Variants in C9orf85 observed in about 807,000 individuals in gnomAD.
C9orf85 encodes the protein uncharacterized protein C9orf85.
A neutral mutation model predicts 14.9 loss-of-function variants in C9orf85; 16 were observed. The ratio of observed to expected loss-of-function variants is 1.08; its 90% CI spans 0.73 to 1.63. C9orf85 has a LOEUF of 1.63. C9orf85 is among the 40% of genes most tolerant of loss of function. C9orf85 has a pLI of 0.00. For synonymous variants in C9orf85, 45 were observed against 56.8 expected (o/e 0.79, Z 0.93); for missense variants, 172 against 186.1 (o/e 0.92, Z 0.44).
At chr9:71,982,568 G>A (rs2079215767) in intron 3 of C9orf85, 1 of 371,196 alleles carries the variant, frequency 2.7e-6, no homozygotes, top group Non-Finnish European at 5.1e-6. Context: ...AATTGTCAGT[G>A]CATTTTGATT....
chr9:71,927,266 C>CA lies in C9orf85; in HGVS notation c.102+15449dup, dbSNP rs61679762. ...AAAATCATCCAGGCTGAAAGTTTGT[C>CA]AAAAAAAAAAAAAAAAAAAGTATAC... On this transcript the variant is annotated intron_variant, in intron 1 of 3. Coordinates refer to ENST00000334731, the MANE Select transcript of C9orf85 (RefSeq NM_182505.5). 1.6e-3 allele frequency among the ~76,000 whole-genome samples: 170 copies of CA among 106,736 alleles called. 1 individual carries two copies. Among genetic ancestry groups the CA allele is most frequent in the African/African-American group, 5.7e-3 (163 of 28,654 alleles). 70.0% of individuals were successfully genotyped at this position (106,736 alleles called of 152,430 possible). A position where few individuals can be genotyped will look rare whatever the true frequency, so the allele number is the denominator to read the frequency against.
At chr9:71,972,544 C>A in intron 3 of C9orf85, 148 bp from the exon 4 acceptor site, 1 of 459,580 alleles carries the variant, frequency 2.2e-6, no homozygotes, top group Non-Finnish European at 3.7e-6. Flanking sequence ...CAGGCATGAG[C>A]CACCACTCCC....
intron 1 of C9orf85, among the ~76,000 whole-genome samples, chr9:71,942,880 G>A (rs1183476114): frequency 2.7e-5 from 4 of 147,626 alleles, no homozygotes; most frequent in East Asian, 4.0e-4. Flanking sequence ...TCCAGCCTGG[G>A]CAACAGAGTG....
chr9:71,947,161 TTTA>T (rs1822119669), intron 2 of C9orf85, 49 bp downstream of exon 2: 1 of 1,226,220 alleles, frequency 8.2e-7, no homozygotes, highest in Non-Finnish European at 1.2e-6. Flanking sequence ...TGTATCATAG[TTTA>T]TTATTTCATT....
chr9:71,958,997 CTT>C (rs1425983413), intron 2 of C9orf85, among the ~76,000 whole-genome samples: 3 of 152,120 alleles, frequency 2.0e-5, no homozygotes, highest in Non-Finnish European at 4.4e-5. Flanking sequence ...CAATCCACCT[CTT>C]GTCAATTATT....
At chr9:71,956,366 C>T (rs1822382371) in intron 2 of C9orf85, among the ~76,000 whole-genome samples, 1 of 150,152 alleles carries the variant, frequency 6.7e-6, no homozygotes, top group Non-Finnish European at 1.5e-5. Flanking sequence ...TCTCCTGCCT[C>T]AGCCTCCCAA....
intron 1 of C9orf85, among the ~76,000 whole-genome samples, chr9:71,938,236 G>C (rs1410840621): frequency 2.0e-5 from 3 of 151,978 alleles, no homozygotes; most frequent in Non-Finnish European, 4.4e-5. Context: ...GTTGATTATA[G>C]CAAGAATTTT....
intron 1 of C9orf85, among the ~76,000 whole-genome samples, chr9:71,920,487 G>A (rs947062907): frequency 6.6e-6 from 1 of 152,120 alleles, no homozygotes; most frequent in Non-Finnish European, 1.5e-5. Flanking sequence ...CCCCAAATGG[G>A]CCATTTTCCT....
downstream of C9orf85, among the ~76,000 whole-genome samples, chr9:71,976,661 CAA>C (rs1162481407): frequency 1.0e-4 from 11 of 104,982 alleles, no homozygotes; most frequent in Admixed American, 1.1e-4. Flanking sequence ...GACTCCATCT[CAA>C]AAAAAAAAAA....
intron 3 of C9orf85, among the ~76,000 whole-genome samples, chr9:71,971,959 T>C (rs142026728): frequency 1.4e-3 from 177 of 130,776 alleles, no homozygotes; most frequent in African/African-American, 5.0e-3. Flanking sequence ...GGGTAACATA[T>C]AGTGGGACTC....
intron 2 of C9orf85, among the ~76,000 whole-genome samples, chr9:71,954,557 A>C (rs913786049): frequency 2.0e-5 from 3 of 152,144 alleles, no homozygotes; most frequent in Admixed American, 6.6e-5. Context: ...TGGATTATTC[A>C]TGTCTTTGCT....
chr9:71,927,887 A>G, intron 1 of C9orf85, among the ~76,000 whole-genome samples: 1 of 152,148 alleles, frequency 6.6e-6, no homozygotes, highest in East Asian at 1.9e-4. Context: ...TCCTTTATCA[A>G]GTTACTTGCA....
intron 1 of C9orf85, among the ~76,000 whole-genome samples, chr9:71,922,428 C>T (rs1827834553): frequency 6.6e-6 from 1 of 152,160 alleles, no homozygotes. Context: ...TATAAAATGT[C>T]TTTCACTTTC....
intron 1 of C9orf85, among the ~76,000 whole-genome samples, chr9:71,939,442 A>G (rs1828276781): frequency 6.6e-6 from 1 of 152,118 alleles, no homozygotes; most frequent in African/African-American, 2.4e-5. Flanking sequence ...TATAAAAAGG[A>G]CAATATATTA....
In C9orf85 at chr9:71,968,101, T is replaced by C. The variant is rs56232000; in HGVS notation, c.210-3404T>C. On this transcript the variant is annotated intron_variant, in intron 2 of 3. Transcript: ENST00000334731. ...ATCCATTGCTGCATATATATATATA[T>C]AGAGAGAGAGAGAGAGAGTGCATGC... 2.4e-3 allele frequency among the ~76,000 whole-genome samples: 348 copies of C among 146,816 alleles called. 2 individuals are homozygous for C. Among genetic ancestry groups the C allele is most frequent in the African/African-American group, 8.4e-3 (332 of 39,758 alleles).
rs774432760 is a variant in C9orf85 at position 71,911,760 on chromosome 9, C to T, written c.26C>T (p.Ala9Val). The stretch of plus-strand genomic sequence containing the variant: ...ATGAGCTCCCAGAAAGGCAACGTGG[C>T]TCGTTCCAGACCTCAGAAGCACCAG... MSSQKGNV[A>V]RSRPQKHQNT... The change falls in exon 1 of 4, where the codon GCT becomes GTT. Residue 9 changes from alanine to valine, a missense_variant. By Grantham distance (64) the Ala-to-Val change is moderately conservative. Transcript: ENST00000334731. 5 of 1,614,140 alleles carry T rather than the reference C, an allele frequency of 3.1e-6. No homozygotes were observed. The highest frequency in any genetic ancestry group is 3.3e-5 in the Admixed American group (2 of 60,028).
chr9:71,926,685 T>C (rs1011317832), intron 1 of C9orf85, among the ~76,000 whole-genome samples: 7 of 148,294 alleles, frequency 4.7e-5, no homozygotes, highest in Non-Finnish European at 8.9e-5. Flanking sequence ...AAACTACCAC[T>C]GTGGTTGTAG....
At chr9:71,976,107 A>G (rs1822991107), downstream of C9orf85, among the ~76,000 whole-genome samples, 1 of 152,196 alleles carries the variant, frequency 6.6e-6, no homozygotes, top group African/African-American at 2.4e-5. Flanking sequence ...AGCAGACTTT[A>G]TTATATTTAG....
At position 71,913,840 on chromosome 9, in the gene C9orf85, G is replaced by A. The variant is rs189630182; in HGVS notation, c.102+2004G>A. Among the ~76,000 whole-genome samples the A allele has an allele frequency of 2.2e-3, 327 of 151,872 alleles. 2 individuals are homozygous for A. The highest frequency in any genetic ancestry group is 7.5e-3 in the African/African-American group (310 of 41,440). ...ATTCTGGTCCTAAATGTTTTCCTGG[G>A]TCTCAGGTTCAGTCACTAAGTTGCA... is the stretch of plus-strand genomic sequence containing the variant. On this transcript the variant is annotated intron_variant, in intron 1 of 3. Coordinates refer to ENST00000334731, the MANE Select transcript of C9orf85 (RefSeq NM_182505.5).
Sources: allele counts gnomAD v4.1 joint callset (sites outside exome capture counted in the v4.1 genomes callset), GRCh38; gene constraint gnomAD v4.1.1; transcripts MANE v1.5; gene names NCBI Gene and HGNC (gene_info 2026-07-23, HGNC 2026-07-21).